Variants in DISC1 observed in about 807,000 individuals in gnomAD.
The protein encoded by DISC1 is DISC1 scaffold protein.
Under a neutral mutation model 84.5 loss-of-function variants are expected in DISC1, and 57 were observed. That is an observed-to-expected ratio of 0.67 (90% CI 0.55 to 0.84). The LOEUF (loss-of-function observed/expected upper bound fraction) is 0.84. DISC1 is among the 40% of genes least tolerant of loss of function. The pLI, the probability that DISC1 is intolerant of heterozygous loss-of-function variation, is 0.00. For missense variants in DISC1, 1,000 were observed against 1,057.8 expected (o/e 0.95, Z 0.76); for synonymous variants, 411 against 415.2 (o/e 0.99, Z 0.12).
At chr1:231,993,809 C>A (rs1231034626) in intron 10 of DISC1, among the ~76,000 whole-genome samples, 1 of 152,164 alleles carries the variant, frequency 6.6e-6, no homozygotes, top group African/African-American at 2.4e-5. Flanking sequence ...GCCCTGATAA[C>A]TTTGATTCTG....
intron 10 of DISC1, among the ~76,000 whole-genome samples, chr1:231,983,421 C>T (rs992066259): frequency 3.4e-5 from 5 of 149,188 alleles, no homozygotes; most frequent in Admixed American, 6.7e-5. Flanking sequence ...GGAAACAACG[C>T]GTGCTTCAGA....
intron 10 of DISC1, among the ~76,000 whole-genome samples, chr1:231,994,368 G>A (rs1665624280): frequency 6.6e-6 from 1 of 152,142 alleles, no homozygotes; most frequent in African/African-American, 2.4e-5. Flanking sequence ...GAAGAACCAG[G>A]TGGAAGCTAC....
At position 231,711,562 on chromosome 1, in the gene DISC1, G is replaced by A. The variant is rs550161527; in HGVS notation, c.1117+9538G>A. Among the ~76,000 whole-genome samples, 554 of 151,626 alleles carry A rather than the reference G, an allele frequency of 3.7e-3. 2 individuals carry two copies. Among genetic ancestry groups the A allele is most frequent in the Non-Finnish European group, 5.4e-3 (366 of 67,894 alleles). ...TTTTGGTATTTTTAATAGAGACGGG[G>A]TTTCACCGTGTTAGCCAGGACAGTC... On this transcript the variant is annotated intron_variant, in intron 3 of 12. Transcript: ENST00000439617.
intron 10 of DISC1, among the ~76,000 whole-genome samples, chr1:231,989,021 G>A (rs1664840855): frequency 6.6e-6 from 1 of 152,194 alleles, no homozygotes; most frequent in Admixed American, 6.5e-5. Flanking sequence ...GGTGTCCCAT[G>A]TCAGCCTCAG....
At chr1:231,671,764 G>A (rs1393788283) in intron 1 of DISC1, among the ~76,000 whole-genome samples, 1 of 152,178 alleles carries the variant, frequency 6.6e-6, no homozygotes, top group African/African-American at 2.4e-5. Flanking sequence ...AATTTTTCCA[G>A]TTGCTAGCCA....
At position 231,745,184 on chromosome 1, in the gene DISC1, G is replaced by A. The variant is rs187332810; in HGVS notation, c.1118-4742G>A. On this transcript the variant is annotated intron_variant, in intron 3 of 12. Transcript: ENST00000439617. ...CAGTACATATAATATATAGTGATCA[G>A]ATCGGGGTAATTAGCATATCCTTCA... Among the ~76,000 whole-genome samples, 186 of 152,162 alleles carry A rather than the reference G, an allele frequency of 1.2e-3. 1 individual carries two copies. Among genetic ancestry groups the A allele is most frequent in the Non-Finnish European group, 3.7e-4 (25 of 67,990 alleles).
intron 9 of DISC1, among the ~76,000 whole-genome samples, chr1:231,821,313 G>A (rs16855090): frequency 0.077 from 11,723 of 152,178 alleles, 721 homozygotes; most frequent in East Asian, 0.35. Context: ...AGGTGCTTGA[G>A]TTGTCTGAGT....
chr1:231,695,633 G>A (rs1428063438), intron 2 of DISC1, among the ~76,000 whole-genome samples: 2 of 151,828 alleles, frequency 1.3e-5, no homozygotes, highest in Non-Finnish European at 2.9e-5. Flanking sequence ...GTGCGTGTGT[G>A]TGTGTGCATG....
chr1:231,972,297 T>C (rs949477762), intron 10 of DISC1, among the ~76,000 whole-genome samples: 1 of 152,202 alleles, frequency 6.6e-6, no homozygotes, highest in Non-Finnish European at 1.5e-5. Context: ...GAAGGAGAGA[T>C]GTGCTTCTGT....
At chr1:231,758,440 GAGAAAAACGC>G (rs2075349733) in intron 4 of DISC1, among the ~76,000 whole-genome samples, 3 of 152,116 alleles carry the variant, frequency 2.0e-5, no homozygotes, top group Admixed American at 2.0e-4. Flanking sequence ...TGGGGTAGGG[GAGAAAAACGC>G]GTCTCTCATG....
chr1:232,019,438 C>T (rs567426762), intron 11 of DISC1, among the ~76,000 whole-genome samples: 7 of 152,262 alleles, frequency 4.6e-5, no homozygotes, highest in African/African-American at 1.7e-4. Flanking sequence ...TTTGAAATGC[C>T]GAGCAACCTG....
chr1:231,949,289 G>A (rs1657889617), intron 9 of DISC1, among the ~76,000 whole-genome samples: 1 of 152,090 alleles, frequency 6.6e-6, no homozygotes, highest in Admixed American at 6.6e-5. Flanking sequence ...TAGCATCTTT[G>A]GCCTCTAATG....
chr1:231,775,265 A>G (rs2812389), intron 6 of DISC1, among the ~76,000 whole-genome samples: 97,259 of 152,144 alleles, frequency 0.64, 31,464 homozygotes, highest in African/African-American at 0.73. Context: ...CGACCCAACA[A>G]CTTGAAAAGA....
intron 8 of DISC1, among the ~76,000 whole-genome samples, chr1:231,814,338 C>T (rs1395925038): frequency 6.6e-6 from 1 of 152,054 alleles, no homozygotes; most frequent in South Asian, 2.1e-4. Flanking sequence ...ATAAAAAGCA[C>T]CCATTATTTT....
At chr1:231,734,301 C>T (rs1166681254) in intron 3 of DISC1, among the ~76,000 whole-genome samples, 1 of 152,094 alleles carries the variant, frequency 6.6e-6, no homozygotes, top group Non-Finnish European at 1.5e-5. Context: ...TGATGATTGA[C>T]ATTTGGTGAA....
intron 9 of DISC1, among the ~76,000 whole-genome samples, chr1:231,944,176 TTCCCTC>T (rs1430904552): frequency 1.3e-5 from 2 of 152,190 alleles, no homozygotes; most frequent in Admixed American, 6.5e-5. Context: ...CATCTCTGTT[TTCCCTC>T]ACCATGACTG....
intron 9 of DISC1, among the ~76,000 whole-genome samples, chr1:231,943,362 C>T (rs150184358): frequency 5.0e-4 from 76 of 152,310 alleles, no homozygotes; most frequent in African/African-American, 1.3e-3. Flanking sequence ...AAGAGTATTG[C>T]GGTTTCTGTG....
At chr1:231,884,334 G>A (rs1227420097) in intron 9 of DISC1, among the ~76,000 whole-genome samples, 1 of 152,150 alleles carries the variant, frequency 6.6e-6, no homozygotes, top group East Asian at 1.9e-4. Flanking sequence ...ACTTATAAGC[G>A]AGAACGTGCA....
Position 231,694,040 on chromosome 1 carries a change from G to A in DISC1, c.282G>A (p.Leu94=). 1 of 1,614,186 alleles carries A rather than the reference G, an allele frequency of 6.2e-7. No individual in the cohort carries two copies. Among genetic ancestry groups the A allele is most frequent in the Non-Finnish European group, 8.5e-7 (1 of 1,180,030 alleles). The change falls in exon 2 of 13, where the codon TTG becomes TTA. Residue 94 remains leucine (L), a synonymous_variant. Coordinates refer to ENST00000439617, the MANE Select transcript of DISC1 (RefSeq NM_018662.3). ...GTGGCCTTGACTCGAGAGGCCTCTT[G>A]GTCCGGAGCCCTGTTTCCAAGAGTG... ...RQCGLDSRGL[L]VRSPVSKSAA... is the part of the protein sequence containing the mutation.
Sources: gnomAD v4.1 joint callset for allele counts (sites outside exome capture counted in the v4.1 genomes callset) on GRCh38, gnomAD v4.1.1 for gene constraint, MANE v1.5 for transcripts, NCBI Gene and HGNC (gene_info 2026-07-23, HGNC 2026-07-21) for gene names.